Variants in SDK1 observed in about 807,000 individuals in gnomAD.
SDK1 encodes the protein protein sidekick-1.
SDK1 carries 157 observed loss-of-function variants against 245.5 expected under a neutral mutation model. The ratio of observed to expected loss-of-function variants is 0.64; its 90% CI spans 0.56 to 0.73. The LOEUF is 0.73. Ranked by LOEUF, SDK1 falls within the 30% of genes least tolerant of loss-of-function variation. The pLI, the probability that SDK1 is intolerant of heterozygous loss-of-function variation, is 0.00. For synonymous variants in SDK1, 1,647 were observed against 1,278.5 expected, an observed-to-expected ratio of 1.29 and a Z score of -6.15; for missense variants, 3,583 against 3,002.3, an observed-to-expected ratio of 1.19 and a Z score of -4.52.
At chr7:3,548,246 TATC>T (rs1275745981) in intron 1 of SDK1, among the ~76,000 whole-genome samples, 1 of 152,212 alleles carries the variant, frequency 6.6e-6, no homozygotes, top group Non-Finnish European at 1.5e-5. Context: ...ATTCAATAAA[TATC>T]ATTGATATAA....
In SDK1 at chr7:4,012,151, G is replaced by A; in HGVS notation, c.2336G>A (p.Gly779Glu). 6.3e-7 allele frequency: 1 copy of A among 1,579,324 alleles called. No individual in the cohort carries two copies. Among genetic ancestry groups the A allele is most frequent in the South Asian group, 1.2e-5 (1 of 85,724 alleles). Residue 779 changes from glycine to glutamate, a missense_variant, in exon 16 of 45, where the codon GGG becomes GAG. Coordinates refer to ENST00000404826, the MANE Select transcript of SDK1 (RefSeq NM_152744.4). ...CCCCCGAAAAATATAGTGGCCAGTG[G>A]GCGGACTAATCAGTCCATTATGGTC... ...SAPPKNIVAS[G>E]RTNQSIMVQW...
At chr7:3,656,739 CTTT>C (rs11368318) in intron 4 of SDK1, among the ~76,000 whole-genome samples, 17 of 125,492 alleles carry the variant, frequency 1.4e-4, no homozygotes, top group Admixed American at 1.7e-4. Flanking sequence ...TGGTGGAAAT[CTTT>C]TTTTTTTTTT....
intron 23 of SDK1, 43 bp downstream of exon 23, chr7:4,110,815 C>A: frequency 7.2e-7 from 1 of 1,391,996 alleles, no homozygotes; most frequent in Non-Finnish European, 1.0e-6. Context: ...GAAACACTGG[C>A]AGCCCAGGCA....
At chr7:3,490,804 TAGATGCCC>T (rs1781842188) in intron 1 of SDK1, among the ~76,000 whole-genome samples, 2 of 152,172 alleles carry the variant, frequency 1.3e-5, no homozygotes, top group African/African-American at 4.8e-5. Context: ...CACATTTGGG[TAGATGCCC>T]AAATTCTCCT....
chr7:4,015,009 G>C (rs958102310), intron 16 of SDK1, among the ~76,000 whole-genome samples: 2 of 152,130 alleles, frequency 1.3e-5, no homozygotes, highest in African/African-American at 2.4e-5. Context: ...TGCAGGTGTA[G>C]TTCCTTATAA....
chr7:3,644,512 C>G (rs1040723669), intron 4 of SDK1, among the ~76,000 whole-genome samples: 1 of 151,230 alleles, frequency 6.6e-6, no homozygotes, highest in East Asian at 1.9e-4. Context: ...TTCCTGTAAT[C>G]TCGGCACTTT....
At chr7:3,741,987 C>CACATAT in intron 4 of SDK1, among the ~76,000 whole-genome samples, 1 of 132,124 alleles carries the variant, frequency 7.6e-6, no homozygotes, top group East Asian at 2.2e-4. Flanking sequence ...TTGTAGTGTG[C>CACATAT]ATATATATAT....
At chr7:4,255,962 C>G (rs1050617337) in intron 44 of SDK1, among the ~76,000 whole-genome samples, 1 of 146,056 alleles carries the variant, frequency 6.8e-6, no homozygotes, top group South Asian at 2.2e-4. Flanking sequence ...CTCTGTCACC[C>G]GGGCTGGAGT....
chr7:3,637,482 C>T (rs574907044), intron 2 of SDK1, among the ~76,000 whole-genome samples: 6 of 152,192 alleles, frequency 3.9e-5, no homozygotes, highest in Non-Finnish European at 8.8e-5. Context: ...GCTGAGAACT[C>T]AATTACTCTA....
intron 1 of SDK1, among the ~76,000 whole-genome samples, chr7:3,611,597 C>T (rs1781591776): frequency 6.6e-6 from 1 of 152,132 alleles, no homozygotes; most frequent in Admixed American, 6.5e-5. Flanking sequence ...GGTAGTTCTA[C>T]TTTCAGTTCT....
chr7:4,240,976 G>A (rs1786481679), intron 42 of SDK1, among the ~76,000 whole-genome samples: 1 of 152,198 alleles, frequency 6.6e-6, no homozygotes, highest in African/African-American at 2.4e-5. Flanking sequence ...GCAGTTTGGA[G>A]GCCTTGGTCT....
At chr7:3,736,889 C>G (rs147364274) in intron 4 of SDK1, among the ~76,000 whole-genome samples, 2 of 152,312 alleles carry the variant, frequency 1.3e-5, no homozygotes, top group South Asian at 2.1e-4. Flanking sequence ...ATCCTCAGAA[C>G]TTTTGCATCT....
chr7:3,768,813 C>A (rs1027428661), intron 4 of SDK1, among the ~76,000 whole-genome samples: 2 of 152,208 alleles, frequency 1.3e-5, no homozygotes, highest in African/African-American at 2.4e-5. Flanking sequence ...TCTCATTCTA[C>A]CCTCTCCATG....
At position 4,267,820 on chromosome 7, in the gene SDK1, C is replaced by T. The variant is rs1459245089; in HGVS notation, c.*2436C>T. The T allele has an allele frequency of 1.0e-6, 1 of 985,502 alleles. No individual in the cohort carries two copies. The highest frequency in any genetic ancestry group is 1.7e-5 in the African/African-American group (1 of 57,256). The allele number at this position is 985,502 out of a possible 1,614,324, so 61.0% of individuals were successfully genotyped here. ...ACGGAGCGGCCTGTCCGAGGCTACG[C>T]CGGCCTCCTGGCTGCTGCTGGACTG... On this transcript the variant is annotated 3_prime_UTR_variant, in exon 45 of 45. Coordinates refer to ENST00000404826, the MANE Select transcript of SDK1 (RefSeq NM_152744.4).
At chr7:3,469,649 G>A (rs185971297) in intron 1 of SDK1, among the ~76,000 whole-genome samples, 190 of 152,268 alleles carry the variant, frequency 1.2e-3, no homozygotes, top group Non-Finnish European at 1.9e-3. Flanking sequence ...TAAAGACTTT[G>A]TATTCTCCAT....
rs144223370 is a variant in SDK1, at chr7:3,959,120, TG to T, written c.1234+108del. The T allele has an allele frequency of 1.3e-3, 1,124 of 884,792 alleles. 11 individuals are homozygous for T. The African/African-American group carries it at 0.017, about 13-fold the overall frequency. 54.8% of individuals were successfully genotyped at this position (884,792 alleles called of 1,614,324 possible). On this transcript the variant is annotated intron_variant, in intron 8 of 44. Transcript: ENST00000404826. Reference sequence around the variant, plus strand: ...CATTCTAGGGAGACATTGAGTGTGATGGCGAAGAGCAGACTTCAGAGAGTAG... The same window carrying T: ...CATTCTAGGGAGACATTGAGTGTGATGCGAAGAGCAGACTTCAGAGAGTAG...
chr7:3,511,024 A>T (rs1247173317), intron 1 of SDK1, among the ~76,000 whole-genome samples: 1 of 152,050 alleles, frequency 6.6e-6, no homozygotes, highest in Non-Finnish European at 1.5e-5. Context: ...CGAGGGTGAA[A>T]ATGGAGGCTG....
chr7:3,406,758 A>G (rs1322459420), intron 1 of SDK1, among the ~76,000 whole-genome samples: 1 of 152,170 alleles, frequency 6.6e-6, no homozygotes, highest in African/African-American at 2.4e-5. Flanking sequence ...CACAATGTCC[A>G]TGTAGGAACA....
At position 3,301,521 on chromosome 7, in the gene SDK1, G is replaced by A; in HGVS notation, c.-66G>A. 3 of 567,440 alleles carry A rather than the reference G, an allele frequency of 5.3e-6. No individual in the cohort carries two copies. Among genetic ancestry groups the A allele is most frequent in the Non-Finnish European group, 6.6e-6 (3 of 451,924 alleles). 35.2% of individuals were successfully genotyped at this position (567,440 alleles called of 1,614,324 possible). ...CCCGCGGAGTGGCCGCGCCCGCTCG[G>A]AGCCGTCCCGCCTGTCCTGCCCGCC... On this transcript the variant is annotated 5_prime_UTR_variant, in exon 1 of 45. Coordinates refer to ENST00000404826, the MANE Select transcript of SDK1 (RefSeq NM_152744.4).
Sources: gnomAD v4.1 joint callset for allele counts (sites outside exome capture counted in the v4.1 genomes callset) on GRCh38, gnomAD v4.1.1 for gene constraint, MANE v1.5 for transcripts, NCBI Gene and HGNC (gene_info 2026-07-23, HGNC 2026-07-21) for gene names.